PARVA: variants seen among roughly 807,000 people sequenced by gnomAD.
PARVA encodes the protein parvin alpha.
A neutral mutation model predicts 52.6 loss-of-function variants in PARVA; 25 were observed. The ratio of observed to expected loss-of-function variants is 0.48; its 90% CI spans 0.35 to 0.66. The LOEUF (loss-of-function observed/expected upper bound fraction) is 0.66, where lower values mean the gene tolerates loss of function less well. Ranked by LOEUF, PARVA falls within the 30% of genes least tolerant of loss-of-function variation. PARVA has a pLI of 0.01. For missense variants in PARVA, 373 were observed against 450.9 expected, an observed-to-expected ratio of 0.83 and a Z score of 1.56; for synonymous variants, 185 against 179.1, an observed-to-expected ratio of 1.03 and a Z score of -0.26.
chr11:12,482,499 A>C (rs928586841), intron 4 of PARVA, among the ~76,000 whole-genome samples: 1 of 151,386 alleles, frequency 6.6e-6, no homozygotes, highest in Non-Finnish European at 1.5e-5. Flanking sequence ...GGTGGTGGGC[A>C]CCTGCAATCC....
chr11:12,523,628 G>A (rs1008111594), intron 12 of PARVA, among the ~76,000 whole-genome samples: 19 of 152,078 alleles, frequency 1.2e-4, no homozygotes, highest in Non-Finnish European at 1.8e-4. Context: ...TGGGGGGGAG[G>A]AGCAAACAAT....
rs1939417505 is a variant in PARVA, at chr11:12,377,734, C to T, written c.87C>T (p.Phe29=). The change falls in exon 1 of 13, where the codon TTC becomes TTT. Residue 29 remains phenylalanine (F), a synonymous_variant. Transcript: ENST00000334956. The stretch of plus-strand genomic sequence containing the variant: ...CGTCCCGCAAGAAAGATGATTCCTT[C>T]TTGGGGAAACTCGGAGGGACCCTGG... ...SPPSRKKDDS[F]LGKLGGTLAR... is the part of the protein sequence containing the mutation. 1 of 1,559,702 alleles carries T rather than the reference C, an allele frequency of 6.4e-7. No homozygotes were observed.
chr11:12,485,069 C>A (rs963898004), intron 4 of PARVA, among the ~76,000 whole-genome samples: 1 of 152,126 alleles, frequency 6.6e-6, no homozygotes, highest in African/African-American at 2.4e-5. Context: ...CCACCTTGGC[C>A]TCCCAAAGTG....
At chr11:12,389,935 G>T (rs191115036) in intron 1 of PARVA, among the ~76,000 whole-genome samples, 1 of 152,106 alleles carries the variant, frequency 6.6e-6, no homozygotes, top group South Asian at 2.1e-4. Flanking sequence ...ACTCTTTTCC[G>T]TTCACTCATT....
chr11:12,386,233 C>G (rs893058886), intron 1 of PARVA, among the ~76,000 whole-genome samples: 1 of 152,192 alleles, frequency 6.6e-6, no homozygotes, highest in Non-Finnish European at 1.5e-5. Flanking sequence ...CCTTCCCTTA[C>G]CTTTTTGCTG....
At chr11:12,382,098 G>A (rs997319213) in intron 1 of PARVA, among the ~76,000 whole-genome samples, 19 of 152,198 alleles carry the variant, frequency 1.2e-4, no homozygotes, top group African/African-American at 4.3e-4. Flanking sequence ...TACTTGCAGC[G>A]CTTGAGCTCA....
intron 1 of PARVA, among the ~76,000 whole-genome samples, chr11:12,404,108 T>G (rs1294202088): frequency 6.6e-6 from 1 of 152,018 alleles, no homozygotes; most frequent in Non-Finnish European, 1.5e-5. Flanking sequence ...ATAGCTCTTT[T>G]TTTTTTTTTA....
At chr11:12,491,409 C>T (rs1326033311) in intron 4 of PARVA, among the ~76,000 whole-genome samples, 1 of 152,136 alleles carries the variant, frequency 6.6e-6, no homozygotes, top group East Asian at 1.9e-4. Flanking sequence ...CTCAAGCAGT[C>T]CTCCTGCCTC....
chr11:12,395,665 C>G (rs61875441), intron 1 of PARVA, among the ~76,000 whole-genome samples: 13,565 of 152,202 alleles, frequency 0.089, 740 homozygotes, highest in African/African-American at 0.14. Context: ...ATCAAAGACT[C>G]GGCCTCTTCC....
intron 1 of PARVA, among the ~76,000 whole-genome samples, chr11:12,388,616 T>C (rs1939612858): frequency 6.6e-6 from 1 of 152,200 alleles, no homozygotes; most frequent in South Asian, 2.1e-4. Context: ...GATAAAACCG[T>C]TGTGCAAAGT....
chr11:12,473,083 T>C, intron 1 of PARVA, among the ~76,000 whole-genome samples: 1 of 152,166 alleles, frequency 6.6e-6, no homozygotes, highest in East Asian at 1.9e-4. Context: ...TCAAACTCTA[T>C]TTTCAGCTGA....
At chr11:12,389,174 AGAG>A (rs1344744888) in intron 1 of PARVA, among the ~76,000 whole-genome samples, 2 of 152,086 alleles carry the variant, frequency 1.3e-5, no homozygotes, top group East Asian at 1.9e-4. Flanking sequence ...TGGGTCAGGG[AGAG>A]GAGATTTCCA....
intron 1 of PARVA, among the ~76,000 whole-genome samples, chr11:12,392,100 T>C (rs1385039873): frequency 6.6e-6 from 1 of 151,866 alleles, no homozygotes; most frequent in Non-Finnish European, 1.5e-5. Flanking sequence ...TCCATGTAAA[T>C]GGAATAATAT....
chr11:12,385,817 C>T (rs1022762324), intron 1 of PARVA, among the ~76,000 whole-genome samples: 4 of 152,162 alleles, frequency 2.6e-5, no homozygotes, highest in Non-Finnish European at 5.9e-5. Flanking sequence ...TGTACGTGTA[C>T]ATGAGAATGT....
chr11:12,467,140 A>G (rs1224593667), intron 1 of PARVA, among the ~76,000 whole-genome samples: 1 of 152,172 alleles, frequency 6.6e-6, no homozygotes, highest in Non-Finnish European at 1.5e-5. Flanking sequence ...TATAAATGAT[A>G]CTGTGTTTTT....
intron 1 of PARVA, among the ~76,000 whole-genome samples, chr11:12,464,204 GC>G (rs1356816115): frequency 4.6e-5 from 7 of 151,954 alleles, no homozygotes; most frequent in Non-Finnish European, 8.8e-5. Flanking sequence ...ATATGTGTGT[GC>G]ACTAATTTAT....
intron 12 of PARVA, among the ~76,000 whole-genome samples, chr11:12,526,970 CAGTG>C (rs1337821197): frequency 2.6e-5 from 4 of 152,060 alleles, no homozygotes; most frequent in Non-Finnish European, 4.4e-5. Context: ...CACAGTGTGT[CAGTG>C]AGTCATAGCT....
chr11:12,518,440 G>T lies in PARVA; in HGVS notation c.970-5G>T. ...GGTACATGCTGTCTGCATCTCTCTT[G>T]CCAGGTCTTGAATGTCTCCTTTGCC... On this transcript the variant is annotated splice_region_variant and splice_polypyrimidine_tract_variant and intron_variant, in intron 11 of 12. Coordinates refer to ENST00000334956, the MANE Select transcript of PARVA (RefSeq NM_018222.5). 6.2e-7 allele frequency: 1 copy of T among 1,612,612 alleles called. No individual in the cohort carries two copies.
At chr11:12,481,447 A>G (rs1941085195) in intron 4 of PARVA, among the ~76,000 whole-genome samples, 1 of 149,362 alleles carries the variant, frequency 6.7e-6, no homozygotes, top group Non-Finnish European at 1.5e-5. Context: ...TTTTCTGAGC[A>G]TTTCCTTTGT....
Sources: gnomAD v4.1 joint callset for allele counts (sites outside exome capture counted in the v4.1 genomes callset) on GRCh38, gnomAD v4.1.1 for gene constraint, MANE v1.5 for transcripts, NCBI Gene and HGNC (gene_info 2026-07-23, HGNC 2026-07-21) for gene names.